Variants in PAPSS2 observed in about 807,000 individuals in gnomAD.
PAPSS2 encodes the protein bifunctional 3'-phosphoadenosine 5'-phosphosulfate synthase 2.
Under a neutral mutation model 66.5 loss-of-function variants are expected in PAPSS2, and 61 were observed. The observed-to-expected ratio is 0.92, with a 90% CI of 0.75 to 1.14. The LOEUF (loss-of-function observed/expected upper bound fraction) is 1.14. PAPSS2 is among the 50% of genes most tolerant of loss of function. PAPSS2 has a pLI of 0.00. For synonymous variants in PAPSS2, 289 were observed against 287.5 expected (o/e 1.01, Z -0.05); for missense variants, 708 against 789.6 (o/e 0.90, Z 1.24).
chr10:87,683,272 T>C (rs1330274443), intron 1 of PAPSS2, among the ~76,000 whole-genome samples: 2 of 152,042 alleles, frequency 1.3e-5, no homozygotes, highest in Non-Finnish European at 2.9e-5. Flanking sequence ...TTTGTATTTT[T>C]AGTAGAGACG....
chr10:87,697,068 G>GT (rs1239970394), intron 1 of PAPSS2, among the ~76,000 whole-genome samples: 1 of 152,112 alleles, frequency 6.6e-6, no homozygotes, highest in Non-Finnish European at 1.5e-5. Flanking sequence ...GTTACATTTA[G>GT]TTTTGTCTCC....
intron 1 of PAPSS2, among the ~76,000 whole-genome samples, chr10:87,685,912 G>A (rs890836015): frequency 1.3e-5 from 2 of 152,094 alleles, no homozygotes; most frequent in Admixed American, 6.5e-5. Context: ...GAGATGAGAT[G>A]TTCTATTTCT....
chr10:87,707,878 A>G (rs183765029), intron 1 of PAPSS2, among the ~76,000 whole-genome samples: 8 of 152,114 alleles, frequency 5.3e-5, no homozygotes, highest in African/African-American at 1.9e-4. Context: ...GTTTTCAAAA[A>G]TCCTCTAGCT....
At chr10:87,675,554 C>A (rs1852933438) in intron 1 of PAPSS2, among the ~76,000 whole-genome samples, 1 of 152,140 alleles carries the variant, frequency 6.6e-6, no homozygotes, top group South Asian at 2.1e-4. Flanking sequence ...AATGTAATTT[C>A]ATGCTAATAG....
At chr10:87,689,679 AAAAG>A (rs1188269685) in intron 1 of PAPSS2, among the ~76,000 whole-genome samples, 20 of 150,082 alleles carry the variant, frequency 1.3e-4, no homozygotes, top group African/African-American at 4.9e-4. Flanking sequence ...AAAAAAAAAA[AAAAG>A]AAAAAAAAAA....
chr10:87,669,086 C>A (rs986270948), intron 1 of PAPSS2, among the ~76,000 whole-genome samples: 1 of 152,074 alleles, frequency 6.6e-6, no homozygotes, highest in Non-Finnish European at 1.5e-5. Context: ...GTAACTTGAC[C>A]GTTTTGAAAT....
At chr10:87,703,656 C>T (rs1853346485) in intron 1 of PAPSS2, 1 of 496,878 alleles carries the variant, frequency 2.0e-6, no homozygotes, top group South Asian at 1.5e-5. Flanking sequence ...CAGAGCAAAT[C>T]AGCCGTGAAG....
chr10:87,715,819 A>T lies in PAPSS2; in HGVS notation c.841A>T (p.Met281Leu), dbSNP rs45624631. ...GCGGGAGAAGGAGTACTTACAGGTT[A>T]TGCACTTTGACACCCTGCTAGATGG... ...FMREKEYLQV[M>L]HFDTLLDGMA... Residue 281 changes from methionine (M) to leucine (L), a missense_variant, in exon 7 of 13, where the codon ATG (methionine) becomes TTG (leucine). Transcript: ENST00000456849. 2,804 of 1,605,614 alleles carry T rather than the reference A, an allele frequency of 1.7e-3. 57 individuals are homozygous for T. In the African/African-American group the frequency reaches 0.032, roughly 18 times the overall value.
At chr10:87,712,316 G>A (rs895925354) in intron 2 of PAPSS2, among the ~76,000 whole-genome samples, 7 of 152,180 alleles carry the variant, frequency 4.6e-5, no homozygotes, top group Non-Finnish European at 1.0e-4. Context: ...CACGAGGGAG[G>A]TGGACTTACC....
At chr10:87,743,788 T>C (rs953183770) in intron 11 of PAPSS2, 147 bp downstream of exon 11, 3 of 988,028 alleles carry the variant, frequency 3.0e-6, no homozygotes, top group African/African-American at 3.2e-5. Flanking sequence ...TCTAGCTTAA[T>C]TATGTTTCCA....
intron 1 of PAPSS2, among the ~76,000 whole-genome samples, chr10:87,694,094 C>G (rs2131915995): frequency 6.6e-6 from 1 of 152,334 alleles, no homozygotes; most frequent in South Asian, 2.1e-4. Flanking sequence ...AAGTATTCCA[C>G]ATCATCTCTT....
intron 1 of PAPSS2, among the ~76,000 whole-genome samples, chr10:87,687,452 G>T (rs898228865): frequency 1.3e-5 from 2 of 152,114 alleles, no homozygotes; most frequent in African/African-American, 2.4e-5. Flanking sequence ...TATACGAAAG[G>T]TTATTTCCAT....
intron 1 of PAPSS2, among the ~76,000 whole-genome samples, chr10:87,673,578 A>ATGTGTGTG (rs35768490): frequency 0.015 from 2,178 of 148,172 alleles, 67 homozygotes; most frequent in African/African-American, 0.051. Flanking sequence ...GTATGTATTC[A>ATGTGTGTG]TGTGTGTGTG....
In PAPSS2 at chr10:87,703,276, CGTGTGTGTGTGTGT is replaced by C. The variant is rs10673718; in HGVS notation, c.28-5893_28-5880del. On this transcript the variant is annotated intron_variant, in intron 1 of 12. Transcript: ENST00000456849. ...AGCAGCAATAATGACAACAACATTG[CGTGTGTGTGTGTGT>C]GTGTGTGTGTGTGTGTGTGTGTGTG... is the stretch of plus-strand genomic sequence containing the variant. Among the ~76,000 whole-genome samples, 390 of 145,572 alleles carry C rather than the reference CGTGTGTGTGTGTGT, an allele frequency of 2.7e-3. 2 individuals carry two copies. Among genetic ancestry groups the C allele is most frequent in the East Asian group, 0.02 (97 of 4,930 alleles).
At chr10:87,690,639 T>C (rs1448678427) in intron 1 of PAPSS2, among the ~76,000 whole-genome samples, 1 of 152,128 alleles carries the variant, frequency 6.6e-6, no homozygotes, top group Non-Finnish European at 1.5e-5. Context: ...AGGGGTTAGA[T>C]TGATAGGTGT....
In PAPSS2 at chr10:87,680,469, G is replaced by T. The variant is rs1589421895; in HGVS notation, c.27+20461G>T. On this transcript the variant is annotated intron_variant, in intron 1 of 12. Coordinates refer to ENST00000456849, the MANE Select transcript of PAPSS2 (RefSeq NM_001015880.2). ...ATTTCTGTCTTACAGTTCAGGGTGG[G>T]CCAGAAGGAGCCATGGTGGGTCTGT... 5.3e-5 allele frequency among the ~76,000 whole-genome samples: 8 copies of T among 152,272 alleles called. No homozygotes were observed. The South Asian group carries it at 1.7e-3, about 32-fold the overall frequency.
chr10:87,702,412 G>A (rs1853329854), intron 1 of PAPSS2, among the ~76,000 whole-genome samples: 2 of 152,332 alleles, frequency 1.3e-5, no homozygotes, highest in Admixed American at 6.5e-5. Context: ...CAGGTTTTGA[G>A]CAATAAATGA....
intron 9 of PAPSS2, among the ~76,000 whole-genome samples, chr10:87,731,519 C>T (rs1432655989): frequency 6.6e-6 from 1 of 152,172 alleles, no homozygotes; most frequent in African/African-American, 2.4e-5. Flanking sequence ...GGTATAGCTG[C>T]TCTAGATGGT....
chr10:87,698,195 G>C (rs1489929334), intron 1 of PAPSS2, among the ~76,000 whole-genome samples: 1 of 152,004 alleles, frequency 6.6e-6, no homozygotes, highest in Non-Finnish European at 1.5e-5. Context: ...CCTACTAGTG[G>C]CTTCGAAAAG....
Sources: allele counts gnomAD v4.1 joint callset (sites outside exome capture counted in the v4.1 genomes callset), GRCh38; gene constraint gnomAD v4.1.1; transcripts MANE v1.5; gene names NCBI Gene and HGNC (gene_info 2026-07-23, HGNC 2026-07-21).